MAGI2: variants seen among roughly 807,000 people sequenced by gnomAD.
The protein encoded by MAGI2 is membrane-associated guanylate kinase, WW and PDZ domain-containing protein 2.
A neutral mutation model predicts 133.3 loss-of-function variants in MAGI2; 35 were observed. That is an observed-to-expected ratio of 0.26 (90% CI 0.20 to 0.35). MAGI2 has a LOEUF of 0.35. Ranked by LOEUF, MAGI2 falls within the 10% of genes least tolerant of loss-of-function variation. The pLI, the probability that MAGI2 is intolerant of heterozygous loss-of-function variation, is 1.00. For missense variants in MAGI2, 1,636 were observed against 1,863.4 expected (o/e 0.88, Z 2.25); for synonymous variants, 729 against 710.6 (o/e 1.03, Z -0.41).
intron 2 of MAGI2, among the ~76,000 whole-genome samples, chr7:78,817,737 T>A (rs1789727534): frequency 6.6e-6 from 1 of 151,206 alleles, no homozygotes; most frequent in African/African-American, 2.4e-5. Flanking sequence ...TTAGCTGGAG[T>A]TGTATTCTGT....
chr7:78,758,486 CCA>C (rs1437094604), intron 2 of MAGI2, among the ~76,000 whole-genome samples: 2 of 152,134 alleles, frequency 1.3e-5, no homozygotes, highest in Non-Finnish European at 2.9e-5. Context: ...TGATTAGTCT[CCA>C]CACTTCAATG....
At chr7:78,761,513 TG>T (rs1824510545) in intron 2 of MAGI2, among the ~76,000 whole-genome samples, 1 of 151,244 alleles carries the variant, frequency 6.6e-6, no homozygotes, top group Non-Finnish European at 1.5e-5. Context: ...TCCCCCAGGC[TG>T]GAGTGTTGTG....
intron 1 of MAGI2, among the ~76,000 whole-genome samples, chr7:79,273,457 G>T (rs1835021052): frequency 6.6e-6 from 1 of 151,996 alleles, no homozygotes; most frequent in Non-Finnish European, 1.5e-5. Context: ...AGTATATAAA[G>T]TTTCTCTTGC....
At chr7:78,178,524 A>C (rs1233306652) in intron 13 of MAGI2, among the ~76,000 whole-genome samples, 1 of 152,088 alleles carries the variant, frequency 6.6e-6, no homozygotes, top group Non-Finnish European at 1.5e-5. Context: ...CTGTCCAGTA[A>C]AGCACTGCCT....
chr7:78,757,601 C>T (rs1228011142), intron 2 of MAGI2, among the ~76,000 whole-genome samples: 2 of 152,042 alleles, frequency 1.3e-5, no homozygotes, highest in Non-Finnish European at 2.9e-5. Flanking sequence ...TTAGTGAGTC[C>T]TCATCTTATA....
At chr7:79,428,970 A>G (rs1344907228) in intron 1 of MAGI2, among the ~76,000 whole-genome samples, 1 of 152,144 alleles carries the variant, frequency 6.6e-6, no homozygotes, top group Non-Finnish European at 1.5e-5. Context: ...CTTGATTATC[A>G]AGTATAAAAA....
Position 78,432,096 on chromosome 7 carries a change from G to A in MAGI2, c.1045+57665C>T, listed in dbSNP as rs181885886. ...CAGGTAATTTCTTCATACAACACAT[G>A]AGGCAGTAGGTTTAAATATTAAATT... On this transcript the variant is annotated intron_variant, in intron 6 of 21. Coordinates refer to ENST00000354212, the MANE Select transcript of MAGI2 (RefSeq NM_012301.4). Among the ~76,000 whole-genome samples the A allele has an allele frequency of 6.2e-3, 935 of 151,776 alleles. 5 individuals carry two copies. The highest frequency in any genetic ancestry group is 7.3e-3 in the Non-Finnish European group (498 of 67,876).
At chr7:78,175,101 G>C (rs1305423214) in intron 14 of MAGI2, among the ~76,000 whole-genome samples, 1 of 152,188 alleles carries the variant, frequency 6.6e-6, no homozygotes, top group African/African-American at 2.4e-5. Context: ...ACTTTCTTGA[G>C]TTCTGAGTTG....
Position 78,895,272 on chromosome 7 carries a change from G to C in MAGI2, c.418+111818C>G, listed in dbSNP as rs192816067. 3.7e-4 allele frequency among the ~76,000 whole-genome samples: 56 copies of C among 152,228 alleles called. 1 individual carries two copies. The East Asian group carries it at 0.01, about 28-fold the overall frequency. On this transcript the variant is annotated intron_variant, in intron 2 of 21. Transcript: ENST00000354212. ...GCAGATAGTATCTGTCAGCAAGAAG[G>C]CTCTCACCAGATGTGATATCTTGTC...
intron 20 of MAGI2, among the ~76,000 whole-genome samples, chr7:78,121,306 A>G (rs1820455071): frequency 6.6e-6 from 1 of 152,050 alleles, no homozygotes; most frequent in South Asian, 2.1e-4. Flanking sequence ...TCATAAAGAA[A>G]GTGAAACTGC....
chr7:78,721,900 C>A (rs565800642), intron 2 of MAGI2, among the ~76,000 whole-genome samples: 1 of 151,708 alleles, frequency 6.6e-6, no homozygotes, highest in Non-Finnish European at 1.5e-5. Context: ...AAATTTAAAT[C>A]AAAGAACTGA....
At chr7:79,161,119 G>A (rs1223588384) in intron 1 of MAGI2, among the ~76,000 whole-genome samples, 1 of 151,858 alleles carries the variant, frequency 6.6e-6, no homozygotes, top group Non-Finnish European at 1.5e-5. Flanking sequence ...ATTTAAACAA[G>A]CTTTACATAA....
At chr7:78,750,871 T>A (rs1823390422) in intron 2 of MAGI2, among the ~76,000 whole-genome samples, 1 of 152,232 alleles carries the variant, frequency 6.6e-6, no homozygotes, top group Non-Finnish European at 1.5e-5. Flanking sequence ...AAATTTTACA[T>A]CAATATAATC....
chr7:79,350,418 C>T (rs1364326144), intron 1 of MAGI2, among the ~76,000 whole-genome samples: 2 of 151,992 alleles, frequency 1.3e-5, no homozygotes, highest in African/African-American at 4.8e-5. Flanking sequence ...CTTTCAAGGA[C>T]ATTTTGGGAA....
chr7:78,882,114 GAAAAAC>G (rs144420300), intron 2 of MAGI2, among the ~76,000 whole-genome samples: 1,104 of 57,722 alleles, frequency 0.019, 16 homozygotes, highest in South Asian at 0.057. Context: ...AAAAAGAAAA[GAAAAAC>G]AAAAAAAAAA....
chr7:79,034,471 A>T (rs1810921062), intron 1 of MAGI2, among the ~76,000 whole-genome samples: 1 of 152,188 alleles, frequency 6.6e-6, no homozygotes, highest in Non-Finnish European at 1.5e-5. Context: ...TCCCAAGTTC[A>T]ATCAGCCCTT....
At chr7:78,052,573 C>T (rs1363501847) in intron 21 of MAGI2, among the ~76,000 whole-genome samples, 1 of 152,196 alleles carries the variant, frequency 6.6e-6, no homozygotes, top group Non-Finnish European at 1.5e-5. Flanking sequence ...AAGGGGCAGC[C>T]AGGCATCCTG....
chr7:78,611,135 TATC>T (rs1806394494), intron 3 of MAGI2, among the ~76,000 whole-genome samples: 1 of 152,240 alleles, frequency 6.6e-6, no homozygotes, highest in Non-Finnish European at 1.5e-5. Context: ...GTGTTTTAGT[TATC>T]ATCAGTCCAA....
chr7:78,654,511 A>C (rs963277623), intron 2 of MAGI2, among the ~76,000 whole-genome samples: 5 of 151,712 alleles, frequency 3.3e-5, no homozygotes, highest in African/African-American at 1.2e-4. Context: ...AAAGTTTTGA[A>C]AGGTCATATA....
Sources: gnomAD v4.1 joint callset for allele counts (sites outside exome capture counted in the v4.1 genomes callset) on GRCh38, gnomAD v4.1.1 for gene constraint, MANE v1.5 for transcripts, NCBI Gene and HGNC (gene_info 2026-07-23, HGNC 2026-07-21) for gene names.